Variants in PROSER2 observed in about 807,000 individuals in gnomAD.
PROSER2 encodes the protein proline and serine-rich protein 2.
PROSER2 carries 18 observed loss-of-function variants against 14.6 expected under a neutral mutation model. The ratio of observed to expected loss-of-function variants is 1.23; its 90% CI spans 0.85 to 1.83. The LOEUF (loss-of-function observed/expected upper bound fraction) is 1.83. PROSER2 is among the 40% of genes most tolerant of loss of function. PROSER2 has a pLI of 0.00. For synonymous variants in PROSER2, 367 were observed against 286.4 expected, an observed-to-expected ratio of 1.28 and a Z score of -2.84; for missense variants, 823 against 629.8, an observed-to-expected ratio of 1.31 and a Z score of -3.28.
At position 11,870,453 on chromosome 10, in the gene PROSER2, G is replaced by T; in HGVS notation, c.*47G>T. The T allele has an allele frequency of 5.9e-6, 8 of 1,357,158 alleles. No homozygotes were observed. Among genetic ancestry groups the T allele is most frequent in the Non-Finnish European group, 7.7e-6 (8 of 1,035,022 alleles). 84.1% of individuals were successfully genotyped at this position (1,357,158 alleles called of 1,614,324 possible). A position where few individuals can be genotyped will look rare whatever the true frequency, so the allele number is the denominator to read the frequency against. On this transcript the variant is annotated 3_prime_UTR_variant, in exon 4 of 4. Transcript: ENST00000277570. ...ACCCCGTTTCTCCCCACCCTGAAGA[G>T]AGGGTGAAAGAGTCGCTGCACCCAG...
chr10:11,865,905 C>T lies in PROSER2; in HGVS notation c.139-626C>T, dbSNP rs1299485439. Reference sequence around the variant, plus strand: ...CCAGAGCCGCTCAGCACCTCCAGGGCCTGAGCTTCTGGGCAGTTCTTCGGG... The same window carrying T: ...CCAGAGCCGCTCAGCACCTCCAGGGTCTGAGCTTCTGGGCAGTTCTTCGGG... On this transcript the variant is annotated intron_variant, in intron 2 of 3. Transcript: ENST00000277570. The surrounding 1 kb of genome is among the most constrained non-coding windows in gnomAD (Gnocchi z 4.2). Among the ~76,000 whole-genome samples, 1 of 152,186 alleles carries T rather than the reference C, an allele frequency of 6.6e-6. No individual in the cohort carries two copies. The highest frequency in any genetic ancestry group is 2.4e-5 in the African/African-American group (1 of 41,450).
In PROSER2 at chr10:11,826,897, T is replaced by TTTC. The variant is rs58963502; in HGVS notation, c.-82+3427_-82+3428insTTC. The stretch of plus-strand genomic sequence containing the variant: ...ACCCGGCCTTTTTTTTTTTTTTTTT[T>TTTC]CCTCTGACATAGGATTTCACTGTGT... On this transcript the variant is annotated intron_variant, in intron 1 of 3. Coordinates refer to ENST00000277570, the MANE Select transcript of PROSER2 (RefSeq NM_153256.4). Among the ~76,000 whole-genome samples, 694 of 134,710 alleles carry TTTC rather than the reference T, an allele frequency of 5.2e-3. 16 individuals carry two copies. The highest frequency in any genetic ancestry group is 8.0e-3 in the East Asian group (36 of 4,486). 88.4% of individuals were successfully genotyped at this position (134,710 alleles called of 152,430 possible). A position where few individuals can be genotyped will look rare whatever the true frequency, so the allele number is the denominator to read the frequency against.
chr10:11,826,185 G>C (rs377700854), intron 1 of PROSER2, among the ~76,000 whole-genome samples: 3 of 152,208 alleles, frequency 2.0e-5, no homozygotes, highest in East Asian at 3.9e-4. Flanking sequence ...AGGTCCGTCC[G>C]TGTCGCGGCG....
chr10:11,862,842 A>G lies in PROSER2; in HGVS notation c.139-3689A>G, dbSNP rs1335436788. 6.6e-6 allele frequency: 1 copy of G among 151,838 alleles called. No homozygotes were observed. Among genetic ancestry groups the G allele is most frequent in the Non-Finnish European group, 1.5e-5 (1 of 68,032 alleles). 9.4% of individuals were successfully genotyped at this position (151,838 alleles called of 1,614,324 possible). ...CTGTATTATGGAGAAAAAAAAGCTC[A>G]ACATCATTAGTCTTCGTGGAAATGA... On this transcript the variant is annotated intron_variant, in intron 2 of 3. Transcript: ENST00000277570. The surrounding 1 kb of genome is among the most constrained non-coding windows in gnomAD (Gnocchi z 4.2).
At chr10:11,858,431 T>G (rs1396048863) in intron 2 of PROSER2, among the ~76,000 whole-genome samples, 7 of 152,220 alleles carry the variant, frequency 4.6e-5, no homozygotes, top group African/African-American at 1.4e-4. Context: ...CCTCAGAGCT[T>G]GAATGGGGCT....
Position 11,870,284 on chromosome 10 carries a change from C to T in PROSER2, c.1186C>T (p.Arg396Cys), listed in dbSNP as rs1309963301. The change falls in exon 4 of 4, where the codon CGC becomes TGC. Residue 396 changes from arginine to cysteine, a missense_variant. By Grantham distance (180) the Arg-to-Cys change is radical. Coordinates refer to ENST00000277570, the MANE Select transcript of PROSER2 (RefSeq NM_153256.4). ...GCAGCCCAACGGCGCCCAGGACTGG[C>T]GCCGCGCAGACTCCCTGCCCCGGCC... is the stretch of plus-strand genomic sequence containing the variant. ...PRQPNGAQDW[R>C]RADSLPRPQG... 6.0e-6 allele frequency: 9 copies of T among 1,493,770 alleles called. No individual in the cohort carries two copies. In the South Asian group the frequency reaches 6.3e-5, roughly 10 times the overall value. The allele number at this position is 1,493,770 out of a possible 1,614,324, so 92.5% of individuals were successfully genotyped here.
At chr10:11,849,225 C>G (rs1045524102) in intron 1 of PROSER2, among the ~76,000 whole-genome samples, 1 of 152,132 alleles carries the variant, frequency 6.6e-6, no homozygotes, top group Non-Finnish European at 1.5e-5. Context: ...AACTAGCTGT[C>G]TCCTTAAATC....
At position 11,870,076 on chromosome 10, in the gene PROSER2, T is replaced by A; in HGVS notation, c.978T>A (p.Ala326=). 4 of 1,275,326 alleles carry A rather than the reference T, an allele frequency of 3.1e-6. No individual in the cohort carries two copies. The highest frequency in any genetic ancestry group is 4.0e-6 in the Non-Finnish European group (4 of 1,011,138). The allele number at this position is 1,275,326 out of a possible 1,614,324, so 79.0% of individuals were successfully genotyped here. ...VARGRGLPGP[A]ESLRAGGQAP... is the part of the protein sequence containing the mutation. ...GTGGCCGGGGCCTGCCGGGCCCCGCTGAGAGTCTCCGGGCAGGGGGTCAGG... is the reference window on the plus strand; with the variant it reads ...GTGGCCGGGGCCTGCCGGGCCCCGCAGAGAGTCTCCGGGCAGGGGGTCAGG... The change falls in exon 4 of 4, where the codon GCT becomes GCA. Residue 326 remains alanine (A), a synonymous_variant. Coordinates refer to ENST00000277570, the MANE Select transcript of PROSER2 (RefSeq NM_153256.4).
In PROSER2 at chr10:11,856,356, TC is replaced by T. The variant is rs1834122635; in HGVS notation, c.138+4144del. ...GCACGGTGCTGCCTCACACCAGCGT[TC>T]CCAGGCTCTCACTCTGAATGAGGTC... is the stretch of plus-strand genomic sequence containing the variant. On this transcript the variant is annotated intron_variant, in intron 2 of 3. Coordinates refer to ENST00000277570, the MANE Select transcript of PROSER2 (RefSeq NM_153256.4). The surrounding 1 kb of genome is among the most constrained non-coding windows in gnomAD (Gnocchi z 5.3). 6.6e-6 allele frequency among the ~76,000 whole-genome samples: 1 copy of T among 152,186 alleles called. No individual in the cohort carries two copies. Among genetic ancestry groups the T allele is most frequent in the African/African-American group, 2.4e-5 (1 of 41,446 alleles).
chr10:11,869,479 T>G lies in PROSER2; in HGVS notation c.392-11T>G, dbSNP rs1303869306. On this transcript the variant is annotated splice_polypyrimidine_tract_variant and intron_variant, in intron 3 of 3. Transcript: ENST00000277570. This position sits in a 1 kb window ranked among gnomAD's most constrained non-coding sequence, Gnocchi z 4.4. ...GGCCGGTGGCTCACAGGCTCCTCCC[T>G]TGTCTTCCAGGGCCTGCACCTGCTG... is the stretch of plus-strand genomic sequence containing the variant. 1.9e-6 allele frequency: 3 copies of G among 1,608,378 alleles called. No individual in the cohort carries two copies.
At chr10:11,834,508 G>C (rs1833731840) in intron 1 of PROSER2, among the ~76,000 whole-genome samples, 1 of 151,998 alleles carries the variant, frequency 6.6e-6, no homozygotes, top group Admixed American at 6.5e-5. Flanking sequence ...GCCGAGGCTG[G>C]TGGATCATCT....
chr10:11,866,471 G>T lies in PROSER2; in HGVS notation c.139-60G>T. On this transcript the variant is annotated intron_variant, in intron 2 of 3. Transcript: ENST00000277570. The surrounding 1 kb of genome is among the most constrained non-coding windows in gnomAD (Gnocchi z 6.0). ...CAATCCCAACTTTGCTTCAGCTTTT[G>T]TCTCTTTAGTGAAGCCAGTGTTTGT... 5.0e-6 allele frequency: 8 copies of T among 1,589,066 alleles called. No homozygotes were observed. Among genetic ancestry groups the T allele is most frequent in the South Asian group, 1.2e-5 (1 of 86,534 alleles).
intron 1 of PROSER2, among the ~76,000 whole-genome samples, chr10:11,842,928 G>GTTTTTTTTTTTTTTT (rs1554766492): frequency 1.9e-5 from 1 of 51,714 alleles, no homozygotes; most frequent in Non-Finnish European, 4.3e-5. Flanking sequence ...TTTTGCCATT[G>GTTTTTTTTTTTTTTT]TTCTTTTTTT....
rs774311810 is a variant in PROSER2 at position 11,869,938 on chromosome 10, G to A, written c.840G>A (p.Glu280=). 3 of 1,524,342 alleles carry A rather than the reference G, an allele frequency of 2.0e-6. No homozygotes were observed. Among genetic ancestry groups the A allele is most frequent in the Admixed American group, 2.1e-5 (1 of 47,372 alleles). The allele number at this position is 1,524,342 out of a possible 1,614,324, so 94.4% of individuals were successfully genotyped here. Residue 280 remains glutamate, a synonymous_variant, in exon 4 of 4, where the codon GAG becomes GAA. Coordinates refer to ENST00000277570, the MANE Select transcript of PROSER2 (RefSeq NM_153256.4). The surrounding 1 kb of genome is among the most constrained non-coding windows in gnomAD (Gnocchi z 4.4). ...TLSRAAVSVQ[E]RRAQVLATIH... is the part of the protein sequence containing the mutation. ...CCAGGGCGGCCGTCAGCGTGCAGGA[G>A]CGCAGGGCGCAGGTGTTGGCCACCA...
rs1283532339 is a variant in PROSER2, at chr10:11,865,141, C to T, written c.139-1390C>T. On this transcript the variant is annotated intron_variant, in intron 2 of 3. Transcript: ENST00000277570. This position sits in a 1 kb window ranked among gnomAD's most constrained non-coding sequence, Gnocchi z 4.2. ...CTCTCATTTTCTCTGATTTCTCTCT[C>T]TGGAACTCTCATTATTCACATAGTG... Among the ~76,000 whole-genome samples the T allele has an allele frequency of 6.6e-6, 1 of 152,140 alleles. No individual in the cohort carries two copies. The highest frequency in any genetic ancestry group is 1.5e-5 in the Non-Finnish European group (1 of 68,038).
intron 1 of PROSER2, among the ~76,000 whole-genome samples, chr10:11,826,128 T>G (rs1466973985): frequency 1.3e-5 from 2 of 152,220 alleles, no homozygotes; most frequent in Non-Finnish European, 2.9e-5. Context: ...TCTTAAAATC[T>G]GTGGCCTCTT....
In PROSER2 at chr10:11,836,892, A is replaced by T. The variant is rs375853451; in HGVS notation, c.-82+13422A>T. Among the ~76,000 whole-genome samples, 13 of 152,326 alleles carry T rather than the reference A, an allele frequency of 8.5e-5. No individual in the cohort carries two copies. Among genetic ancestry groups the T allele is most frequent in the African/African-American group, 2.9e-4 (12 of 41,580 alleles). ...ACCGTGGTCCAAAAATATGCGATGG[A>T]AAATTCCAGAAATAAATCCTTCATA... On this transcript the variant is annotated intron_variant, in intron 1 of 3. Coordinates refer to ENST00000277570, the MANE Select transcript of PROSER2 (RefSeq NM_153256.4). This position sits in a 1 kb window ranked among gnomAD's most constrained non-coding sequence, Gnocchi z 4.6.
chr10:11,867,557 G>C (rs1039885202), intron 3 of PROSER2, among the ~76,000 whole-genome samples: 1 of 152,218 alleles, frequency 6.6e-6, no homozygotes, highest in Admixed American at 6.5e-5. Context: ...CTAGGAGGCA[G>C]AGGTTGCAGT....
At chr10:11,864,581 ATTT>A (rs961281698) in intron 2 of PROSER2, among the ~76,000 whole-genome samples, 2 of 145,538 alleles carry the variant, frequency 1.4e-5, no homozygotes, top group African/African-American at 2.5e-5. Context: ...TGATTTCTGA[ATTT>A]TTTTTTTCTT....
Sources: allele counts gnomAD v4.1 joint callset (sites outside exome capture counted in the v4.1 genomes callset), GRCh38; gene constraint gnomAD v4.1.1; non-coding constraint Gnocchi (gnomAD v3.1); transcripts MANE v1.5; gene names NCBI Gene and HGNC (gene_info 2026-07-23, HGNC 2026-07-21).